Variants in GRAMD1B observed in about 807,000 individuals in gnomAD.
GRAMD1B encodes protein Aster-B.
In GRAMD1B, 37 loss-of-function variants were observed where a neutral mutation model predicts 99.7. The ratio of observed to expected loss-of-function variants is 0.37; its 90% confidence interval spans 0.29 to 0.49. GRAMD1B has a LOEUF of 0.49. Ranked by LOEUF, GRAMD1B falls within the 20% of genes least tolerant of loss-of-function variation. The probability of loss-of-function intolerance (pLI) is 0.98; values close to 1 mark genes in which losing one functional copy is unlikely to be tolerated. For synonymous variants in GRAMD1B, 427 were observed against 387.6 expected, an observed-to-expected ratio of 1.10 and a Z score of -1.19; for missense variants, 888 against 1,009.2, an observed-to-expected ratio of 0.88 and a Z score of 1.63.
intron 2 of GRAMD1B, among the ~76,000 whole-genome samples, chr11:123,522,654 T>A (rs987627109): frequency 3.9e-5 from 6 of 151,954 alleles, no homozygotes; most frequent in Non-Finnish European, 7.4e-5. Context: ...ATGGAACCTG[T>A]CCCCAGGGCC....
intron 2 of GRAMD1B, among the ~76,000 whole-genome samples, chr11:123,571,024 C>T (rs1042614013): frequency 8.5e-5 from 13 of 152,116 alleles, no homozygotes; most frequent in African/African-American, 2.7e-4. Flanking sequence ...GGCAGCCAGG[C>T]GCACTGCAGA....
chr11:123,490,830 G>A (rs978032954), intron 2 of GRAMD1B, among the ~76,000 whole-genome samples: 4 of 152,154 alleles, frequency 2.6e-5, no homozygotes, highest in Admixed American at 6.5e-5. Flanking sequence ...CCTTGAACAG[G>A]AGAGACTAAT....
At chr11:123,556,507 T>C (rs1946198673) in intron 2 of GRAMD1B, among the ~76,000 whole-genome samples, 1 of 152,218 alleles carries the variant, frequency 6.6e-6, no homozygotes. Context: ...CAGGTGTATC[T>C]TAACTTCTCT....
At chr11:123,522,641 A>G (rs1470705513) in intron 2 of GRAMD1B, among the ~76,000 whole-genome samples, 1 of 152,104 alleles carries the variant, frequency 6.6e-6, no homozygotes, top group African/African-American at 2.4e-5. Flanking sequence ...ACGGACCACA[A>G]AAATGGAACC....
At chr11:123,612,738 C>G in intron 14 of GRAMD1B, 23 bp from the exon 15 acceptor site, 1 of 1,395,330 alleles carries the variant, frequency 7.2e-7, no homozygotes, top group Non-Finnish European at 1.0e-6. Flanking sequence ...AATGACTGAT[C>G]TTGTGTCTGG....
At chr11:123,501,170 T>A (rs570245712) in intron 2 of GRAMD1B, among the ~76,000 whole-genome samples, 1 of 152,016 alleles carries the variant, frequency 6.6e-6, no homozygotes, top group African/African-American at 2.4e-5. Context: ...TGTTTATTTT[T>A]ATTTTATTTT....
intron 1 of GRAMD1B, among the ~76,000 whole-genome samples, chr11:123,450,462 A>G (rs1389882776): frequency 6.6e-6 from 1 of 152,230 alleles, no homozygotes; most frequent in African/African-American, 2.4e-5. Flanking sequence ...TGAACAAAAT[A>G]GAGTCTGCCC....
intron 1 of GRAMD1B, chr11:123,435,329 G>T: frequency 1.5e-6 from 1 of 670,832 alleles, no homozygotes; most frequent in South Asian, 1.6e-5. Context: ...AAGTTAAGTG[G>T]CTGAGAGGGC....
Position 123,612,835 on chromosome 11 carries a change from G to A in GRAMD1B, c.1994G>A (p.Ser665Asn). ...VKTFIEKNFWSGLEDYFRHLE... is the reference protein window; with the variant it reads ...VKTFIEKNFWNGLEDYFRHLE... ...ACGTTCATCGAGAAGAACTTCTGGAGTGGGCTGGAGGACTACTTCCGCCAT... is the reference window on the plus strand; with the variant it reads ...ACGTTCATCGAGAAGAACTTCTGGAATGGGCTGGAGGACTACTTCCGCCAT... Residue 665 changes from serine (S) to asparagine (N), a missense_variant, in exon 15 of 20, where the codon AGT becomes AAT. Ser to Asn is a conservative substitution (Grantham distance 46). This residue lies in a region of GRAMD1B where 92 missense variants were observed against 156.9 expected (regional missense o/e 0.59). Coordinates refer to ENST00000635736, the MANE Select transcript of GRAMD1B (RefSeq NM_001387025.1). 6.2e-7 allele frequency: 1 copy of A among 1,609,924 alleles called. No individual in the cohort carries two copies. Among genetic ancestry groups the A allele is most frequent in the Non-Finnish European group, 8.5e-7 (1 of 1,176,520 alleles).
intron 1 of GRAMD1B, among the ~76,000 whole-genome samples, chr11:123,434,230 C>CAAAAA (rs33942028): frequency 1.4e-5 from 1 of 73,018 alleles, no homozygotes; most frequent in Non-Finnish European, 2.5e-5. Context: ...ACTCCGTTTC[C>CAAAAA]AAAAAAAAAA....
At chr11:123,572,623 G>T (rs1421195743) in intron 2 of GRAMD1B, among the ~76,000 whole-genome samples, 1 of 152,168 alleles carries the variant, frequency 6.6e-6, no homozygotes, top group Non-Finnish European at 1.5e-5. Flanking sequence ...ACATGTAAGG[G>T]GTATATGTGG....
chr11:123,501,547 C>A (rs370928685), intron 2 of GRAMD1B, among the ~76,000 whole-genome samples: 2 of 152,186 alleles, frequency 1.3e-5, no homozygotes, highest in African/African-American at 4.8e-5. Flanking sequence ...ACTGGGGACC[C>A]TGTGCAGAAC....
At chr11:123,482,197 C>A (rs1395524398) in intron 2 of GRAMD1B, among the ~76,000 whole-genome samples, 2 of 151,954 alleles carry the variant, frequency 1.3e-5, no homozygotes, top group African/African-American at 4.8e-5. Context: ...CTCCTGGGTT[C>A]AAGAGATTCT....
In GRAMD1B at chr11:123,625,632, A is replaced by C. The variant is rs1324462727; in HGVS notation, c.*3037A>C. 6.6e-6 allele frequency: 1 copy of C among 152,398 alleles called. No homozygotes were observed. The highest frequency in any genetic ancestry group is 1.5e-5 in the Non-Finnish European group (1 of 68,268). The allele number at this position is 152,398 out of a possible 1,614,324, so 9.4% of individuals were successfully genotyped here. The stretch of plus-strand genomic sequence containing the variant: ...TGGGTCCTGACTTTTCCATTGACTA[A>C]GCTCTGTGGCCTTGGGCAAGTCACT... On this transcript the variant is annotated 3_prime_UTR_variant, in exon 20 of 20. Coordinates refer to ENST00000635736, the MANE Select transcript of GRAMD1B (RefSeq NM_001387025.1).
intron 1 of GRAMD1B, among the ~76,000 whole-genome samples, chr11:123,451,060 G>A (rs558590333): frequency 1.4e-4 from 21 of 152,266 alleles, no homozygotes; most frequent in South Asian, 1.0e-3. Flanking sequence ...TGTTGGGAGC[G>A]TCCCATCAGG....
chr11:123,514,466 G>A (rs1367497715), intron 2 of GRAMD1B, among the ~76,000 whole-genome samples: 1 of 152,194 alleles, frequency 6.6e-6, no homozygotes, highest in Non-Finnish European at 1.5e-5. Flanking sequence ...AGGATTAAAT[G>A]CAATGTCTTA....
chr11:123,370,337 CTTTT>C (rs1163332610), intron 1 of GRAMD1B, among the ~76,000 whole-genome samples: 3 of 102,844 alleles, frequency 2.9e-5, no homozygotes, highest in Non-Finnish European at 5.4e-5. Context: ...GAAGTTATCT[CTTTT>C]TTTTTTTTTT....
rs116589250 is a variant in GRAMD1B, at chr11:123,476,487, G to A, written c.375-4329G>A. 4.2e-3 allele frequency among the ~76,000 whole-genome samples: 638 copies of A among 152,198 alleles called. 1 individual carries two copies. The highest frequency in any genetic ancestry group is 0.015 in the African/African-American group (604 of 41,432). On this transcript the variant is annotated intron_variant, in intron 1 of 19. Coordinates refer to ENST00000635736, the MANE Select transcript of GRAMD1B (RefSeq NM_001387025.1). ...GCCTCTGCCGAGGGTACTGGAGGAGGAAAGATCCTGTATATACCCTATGCC... is the reference window on the plus strand; with the variant it reads ...GCCTCTGCCGAGGGTACTGGAGGAGAAAAGATCCTGTATATACCCTATGCC...
intron 8 of GRAMD1B, among the ~76,000 whole-genome samples, chr11:123,601,531 GTGTGTGT>G (rs1951976619): frequency 6.6e-6 from 1 of 152,018 alleles, no homozygotes; most frequent in Non-Finnish European, 1.5e-5. Flanking sequence ...GTGTGTGTGT[GTGTGTGT>G]GTGTGTGTAT....
Sources: gnomAD v4.1 joint callset for allele counts (sites outside exome capture counted in the v4.1 genomes callset) on GRCh38, gnomAD v4.1.1 for gene constraint, gnomAD v4.1.1 regional missense constraint, MANE v1.5 for transcripts, NCBI Gene and HGNC (gene_info 2026-07-23, HGNC 2026-07-21) for gene names.